MCF2L2: variants seen among roughly 807,000 people sequenced by gnomAD.
MCF2L2 encodes the protein probable guanine nucleotide exchange factor MCF2L2.
MCF2L2 carries 102 observed loss-of-function variants against 150.2 expected under a neutral mutation model. The observed-to-expected ratio is 0.68, with a 90% CI of 0.58 to 0.80. The LOEUF (loss-of-function observed/expected upper bound fraction) is 0.80. MCF2L2 is among the 30% of genes least tolerant of loss of function. The pLI, the probability that MCF2L2 is intolerant of heterozygous loss-of-function variation, is 0.00. For missense variants in MCF2L2, 1,256 were observed against 1,372.8 expected (o/e 0.91, Z 1.34); for synonymous variants, 465 against 491.3 (o/e 0.95, Z 0.71).
In MCF2L2 at chr3:183,379,414, G is replaced by T. The variant is rs751304090; in HGVS notation, c.161-3C>A. ...GGCGCCATCCTCCCCTCGGCCTCCT[G>T]CAACAAAAACAGGTGGTCAAAATGT... On this transcript the variant is annotated splice_polypyrimidine_tract_variant and splice_region_variant and intron_variant, in intron 2 of 29. Transcript: ENST00000328913. 1.0e-5 allele frequency: 16 copies of T among 1,605,726 alleles called. No individual in the cohort carries two copies. The highest frequency in any genetic ancestry group is 1.4e-5 in the Non-Finnish European group (16 of 1,175,208).
At chr3:183,407,951 G>A (rs1481938032) in intron 1 of MCF2L2, among the ~76,000 whole-genome samples, 1 of 152,134 alleles carries the variant, frequency 6.6e-6, no homozygotes, top group African/African-American at 2.4e-5. Flanking sequence ...GGTATGGGAG[G>A]TGCCAGTAAA....
rs569047764 is a variant in MCF2L2 at position 183,188,009 on chromosome 3, G to A, written c.3016+4990C>T. 1.3e-3 allele frequency among the ~76,000 whole-genome samples: 191 copies of A among 152,314 alleles called. 1 individual carries two copies. The highest frequency in any genetic ancestry group is 4.3e-3 in the African/African-American group (179 of 41,550). ...CTAGTCGTGGTGAGGAGGTAGGGCT[G>A]CTGCTTAACAAAGGCCGAGAGGGAC... On this transcript the variant is annotated intron_variant, in intron 27 of 29. Coordinates refer to ENST00000328913, the MANE Select transcript of MCF2L2 (RefSeq NM_015078.4).
At chr3:183,182,314 C>T (rs374643337) in intron 27 of MCF2L2, among the ~76,000 whole-genome samples, 164 of 151,692 alleles carry the variant, frequency 1.1e-3, no homozygotes, top group African/African-American at 2.5e-3. Context: ...GCAGGAGCTC[C>T]GGGTGCCACA....
At chr3:183,416,733 C>T (rs1176993499) in intron 1 of MCF2L2, among the ~76,000 whole-genome samples, 1 of 151,984 alleles carries the variant, frequency 6.6e-6, no homozygotes, top group African/African-American at 2.4e-5. Flanking sequence ...AAAAACAATA[C>T]AACAATAAAA....
At chr3:183,402,451 C>CAAAAAAAAAA (rs779201489) in intron 1 of MCF2L2, among the ~76,000 whole-genome samples, 1,529 of 54,406 alleles carry the variant, frequency 0.028, 142 homozygotes, top group Non-Finnish European at 0.05. Flanking sequence ...GAGACTCCAT[C>CAAAAAAAAAA]AAAAAAAAAA....
chr3:183,216,181 G>T (rs1722903226), intron 21 of MCF2L2, 87 bp from the exon 22 acceptor site: 7 of 1,448,888 alleles, frequency 4.8e-6, no homozygotes, highest in Non-Finnish European at 6.6e-6. Flanking sequence ...GAGGAGCCAG[G>T]GATCCAGCCA....
chr3:183,317,925 T>C, intron 7 of MCF2L2, 143 bp downstream of exon 7: 1 of 1,035,008 alleles, frequency 9.7e-7, no homozygotes, highest in Admixed American at 2.6e-5. Flanking sequence ...GTCTGGAAGG[T>C]TTAAGATGAT....
At chr3:183,393,541 C>T (rs1199898858) in intron 1 of MCF2L2, among the ~76,000 whole-genome samples, 1 of 152,154 alleles carries the variant, frequency 6.6e-6, no homozygotes, top group Non-Finnish European at 1.5e-5. Context: ...AGTGATAATT[C>T]AATTTCAACA....
At chr3:183,354,682 A>G (rs891064315) in intron 3 of MCF2L2, among the ~76,000 whole-genome samples, 1 of 152,142 alleles carries the variant, frequency 6.6e-6, no homozygotes, top group Non-Finnish European at 1.5e-5. Flanking sequence ...TCTTACATGT[A>G]TTGATTGTTG....
At chr3:183,368,550 G>T (rs984012351) in intron 3 of MCF2L2, among the ~76,000 whole-genome samples, 3 of 152,080 alleles carry the variant, frequency 2.0e-5, no homozygotes, top group Admixed American at 1.3e-4. Context: ...AATCACTCGA[G>T]GTCAGGAGTT....
intron 5 of MCF2L2, among the ~76,000 whole-genome samples, chr3:183,337,687 T>C (rs1015552509): frequency 2.0e-5 from 3 of 152,212 alleles, no homozygotes; most frequent in African/African-American, 7.2e-5. Context: ...CAGTCCCCTA[T>C]TGTCAAGCAT....
At chr3:183,243,202 T>C (rs918875934) in intron 15 of MCF2L2, among the ~76,000 whole-genome samples, 6 of 152,196 alleles carry the variant, frequency 3.9e-5, no homozygotes, top group African/African-American at 1.4e-4. Context: ...AATAAGTCTT[T>C]GGGGGACTGT....
rs1264386811 is a variant in MCF2L2 at position 183,269,471 on chromosome 3, A to G, written c.1862+7401T>C. On this transcript the variant is annotated intron_variant, in intron 15 of 29. Transcript: ENST00000328913. ...CACCTTAGTAACCCACGCGATTGTGATTCTTTTCTCTTCTTGACTGTGATA... is the reference window on the plus strand; with the variant it reads ...CACCTTAGTAACCCACGCGATTGTGGTTCTTTTCTCTTCTTGACTGTGATA... 3 of 245,404 alleles carry G rather than the reference A, an allele frequency of 1.2e-5. No homozygotes were observed. The East Asian group carries it at 3.0e-4, about 25-fold the overall frequency. 15.2% of individuals were successfully genotyped at this position (245,404 alleles called of 1,614,324 possible).
chr3:183,182,209 G>C (rs1382691272), intron 27 of MCF2L2, among the ~76,000 whole-genome samples: 1 of 152,152 alleles, frequency 6.6e-6, no homozygotes, highest in Non-Finnish European at 1.5e-5. Flanking sequence ...TCCTCCCAGT[G>C]CTGTCAACCC....
chr3:183,349,789 A>G (rs558107882), intron 3 of MCF2L2, among the ~76,000 whole-genome samples: 192 of 151,976 alleles, frequency 1.3e-3, no homozygotes, highest in Non-Finnish European at 2.2e-3. Flanking sequence ...ACCCTATTCC[A>G]CTGCTCCCCT....
chr3:183,271,699 G>T (rs948477773), intron 15 of MCF2L2: 5 of 166,916 alleles, frequency 3.0e-5, no homozygotes, highest in African/African-American at 1.2e-4. Context: ...CTTCTCTAGG[G>T]AGAAACCATT....
chr3:183,318,646 T>C (rs1314444447), intron 6 of MCF2L2, among the ~76,000 whole-genome samples: 3 of 152,210 alleles, frequency 2.0e-5, no homozygotes, highest in Non-Finnish European at 4.4e-5. Flanking sequence ...TAGTTATATA[T>C]ACAGGCAAAC....
chr3:183,183,951 T>C (rs1721611727), intron 27 of MCF2L2, among the ~76,000 whole-genome samples: 1 of 152,080 alleles, frequency 6.6e-6, no homozygotes, highest in South Asian at 2.1e-4. Context: ...AGAAAAACCA[T>C]GCCAAACACA....
intron 1 of MCF2L2, among the ~76,000 whole-genome samples, chr3:183,404,621 G>C (rs1360576225): frequency 6.6e-6 from 1 of 152,262 alleles, no homozygotes; most frequent in Non-Finnish European, 1.5e-5. Flanking sequence ...CCAGCACTTT[G>C]GGAGGCCGAG....
Sources: allele counts gnomAD v4.1 joint callset (sites outside exome capture counted in the v4.1 genomes callset), GRCh38; gene constraint gnomAD v4.1.1; transcripts MANE v1.5; gene names NCBI Gene and HGNC (gene_info 2026-07-23, HGNC 2026-07-21).